MIA2: variants seen among roughly 807,000 people sequenced by gnomAD.
MIA2 encodes the protein MIA SH3 domain ER export factor 2.
In MIA2, 127 loss-of-function variants were observed where a neutral mutation model predicts 167.8. The observed-to-expected ratio is 0.76, with a 90% confidence interval of 0.66 to 0.88. The LOEUF (loss-of-function observed/expected upper bound fraction) is 0.88, where lower values mean the gene tolerates loss of function less well. MIA2 is among the 40% of genes least tolerant of loss of function. The pLI, the probability that MIA2 is intolerant of heterozygous loss-of-function variation, is 0.00. For synonymous variants in MIA2, 552 were observed against 541.9 expected, an observed-to-expected ratio of 1.02 and a Z score of -0.26; for missense variants, 1,690 against 1,624.7, an observed-to-expected ratio of 1.04 and a Z score of -0.69.
intron 23 of MIA2, among the ~76,000 whole-genome samples, chr14:39,363,650 T>G (rs1031073290): frequency 6.6e-5 from 10 of 152,268 alleles, no homozygotes; most frequent in African/African-American, 2.4e-4. Context: ...TGTCTCCCTT[T>G]GGATCTAATA....
chr14:39,265,294 G>A, intron 6 of MIA2: 1 of 928,838 alleles, frequency 1.1e-6, no homozygotes, highest in Non-Finnish European at 1.7e-6. Flanking sequence ...AAACAGAAGA[G>A]TGCAGGATAT....
chr14:39,358,171 C>A lies in MIA2; in HGVS notation c.2248+9194C>A, dbSNP rs112303460. Among the ~76,000 whole-genome samples the A allele has an allele frequency of 2.0e-3, 310 of 152,278 alleles. 2 individuals are homozygous for A. Among genetic ancestry groups the A allele is most frequent in the East Asian group, 0.016 (81 of 5,186 alleles). On this transcript the variant is annotated intron_variant, in intron 23 of 23. Coordinates refer to the MIA2 transcript ENST00000341502. ...GTTTTCCAACTTGGTTCCATTCTCC[C>A]CGTCACTTTCAGGTACACCAATCAG...
At chr14:39,347,616 C>G (rs901322149) in intron 26 of MIA2, 97 bp from the exon 27 acceptor site, 1 of 1,246,696 alleles carries the variant, frequency 8.0e-7, no homozygotes, top group Non-Finnish European at 1.2e-6. Context: ...TATGTGCCAA[C>G]AAGGGGAGTG....
At chr14:39,343,261 C>T (rs2072427415) in intron 25 of MIA2, among the ~76,000 whole-genome samples, 1 of 152,158 alleles carries the variant, frequency 6.6e-6, no homozygotes, top group South Asian at 2.1e-4. Flanking sequence ...TCTTGTGTCT[C>T]AGCCTCCCGA....
Position 39,331,649 on chromosome 14 carries a change from C to T in MIA2, c.3655+4627C>T, listed in dbSNP as rs558957579. ...CTTCAGGAGCCCTTGTAAGGCAGGC[C>T]TGGTGGAGCCAAAATCCCTAAGCAT... is the stretch of plus-strand genomic sequence containing the variant. On this transcript the variant is annotated intron_variant, in intron 25 of 28. Transcript: ENST00000640607. Among the ~76,000 whole-genome samples, 4 of 152,248 alleles carry T rather than the reference C, an allele frequency of 2.6e-5. No individual in the cohort carries two copies. The East Asian group carries it at 7.7e-4, about 29-fold the overall frequency.
intron 23 of MIA2, among the ~76,000 whole-genome samples, chr14:39,381,034 A>C (rs934150357): frequency 4.6e-5 from 7 of 151,886 alleles, no homozygotes; most frequent in East Asian, 1.9e-4. Flanking sequence ...AAAAAAAAAA[A>C]AACAAAGGTA....
rs1335953129 is a variant in MIA2 at position 39,345,902 on chromosome 14, A to G, written c.3656-2A>G. On this transcript the variant is annotated splice_acceptor_variant, in intron 25 of 28. Coordinates refer to ENST00000640607, the MANE Select transcript of MIA2 (RefSeq NM_001329214.4). LOFTEE classifies it high-confidence loss of function. ...AAGACATTTTAAAAACTTATTTTCTAGGACAATCATATCCTGATTCAGCCC... is the reference window on the plus strand; with the variant it reads ...AAGACATTTTAAAAACTTATTTTCTGGGACAATCATATCCTGATTCAGCCC... 6.2e-7 allele frequency: 1 copy of G among 1,601,944 alleles called. No individual in the cohort carries two copies. The highest frequency in any genetic ancestry group is 8.5e-7 in the Non-Finnish European group (1 of 1,176,394).
At chr14:39,335,789 TG>T in intron 25 of MIA2, among the ~76,000 whole-genome samples, 1 of 152,304 alleles carries the variant, frequency 6.6e-6, no homozygotes, top group East Asian at 1.9e-4. Flanking sequence ...TAGTCCCCAG[TG>T]TCTCTTGTTA....
chr14:39,328,472 A>G (rs2068045457), intron 25 of MIA2, among the ~76,000 whole-genome samples: 1 of 152,080 alleles, frequency 6.6e-6, no homozygotes, highest in African/African-American at 2.4e-5. Context: ...CAGTTTAATT[A>G]TATCTCATGT....
chr14:39,248,816 C>T (rs1185423988), intron 4 of MIA2, among the ~76,000 whole-genome samples: 4 of 151,414 alleles, frequency 2.6e-5, no homozygotes, highest in South Asian at 2.1e-4. Flanking sequence ...CTCAGGTCAC[C>T]GCAGCCTCGA....
At chr14:39,339,743 G>A (rs2071355702) in intron 25 of MIA2, among the ~76,000 whole-genome samples, 1 of 152,140 alleles carries the variant, frequency 6.6e-6, no homozygotes. Context: ...GTAGCCACTA[G>A]GCACATGTGG....
At chr14:39,337,113 G>C (rs1446580834) in intron 25 of MIA2, among the ~76,000 whole-genome samples, 2 of 152,062 alleles carry the variant, frequency 1.3e-5, no homozygotes, top group Admixed American at 6.6e-5. Flanking sequence ...ATTATATAGT[G>C]ACATAACCAT....
At chr14:39,251,574 T>C (rs1485427585) in intron 4 of MIA2, among the ~76,000 whole-genome samples, 1 of 152,156 alleles carries the variant, frequency 6.6e-6, no homozygotes, top group Non-Finnish European at 1.5e-5. Context: ...AGTATAATTA[T>C]TGAATAATCC....
At chr14:39,312,474 T>G (rs2064496021) in intron 18 of MIA2, among the ~76,000 whole-genome samples, 1 of 152,236 alleles carries the variant, frequency 6.6e-6, no homozygotes, top group East Asian at 1.9e-4. Flanking sequence ...TTCAGTAGTT[T>G]GTCTTGTTCT....
In MIA2 at chr14:39,247,875, A is replaced by G. The variant is rs772097337; in HGVS notation, c.1301A>G (p.Glu434Gly). The change falls in exon 4 of 29, where the codon GAA becomes GGA. Residue 434 changes from glutamate (E) to glycine (G), a missense_variant. Transcript: ENST00000640607. ...GAAATAGAAACGATAAAAATTATAG[A>G]AACAGAAGATCAAATAGACAAGAAA... Reference protein sequence around the residue: ...EQEIETIKIIETEDQIDKKPV... With the variant: ...EQEIETIKIIGTEDQIDKKPV... 6.3e-7 allele frequency: 1 copy of G among 1,589,756 alleles called. No homozygotes were observed. The highest frequency in any genetic ancestry group is 2.2e-5 in the East Asian group (1 of 44,754).
At chr14:39,267,981 T>G (rs976706310) in intron 6 of MIA2, among the ~76,000 whole-genome samples, 5 of 12,908 alleles carry the variant, frequency 3.9e-4, no homozygotes, top group Non-Finnish European at 4.3e-4. Flanking sequence ...TGATTCTGCA[T>G]TTTTTTTTTT....
rs2054358720 is a variant in MIA2, at chr14:39,247,320, G to A, written c.746G>A (p.Ser249Asn). 1.9e-6 allele frequency: 3 copies of A among 1,614,070 alleles called. No homozygotes were observed. The highest frequency in any genetic ancestry group is 2.5e-6 in the Non-Finnish European group (3 of 1,180,010). ...TCAGTTATTGAACCTGTACAAGAAAGCTCATTTCGGAGTAGAAAAATAGCA... is the reference window on the plus strand; with the variant it reads ...TCAGTTATTGAACCTGTACAAGAAAACTCATTTCGGAGTAGAAAAATAGCA... The part of the protein sequence containing the change: ...FESVIEPVQE[S>N]SFRSRKIAVE... Residue 249 changes from serine to asparagine, a missense_variant, in exon 4 of 29, where the codon AGC (serine) becomes AAC (asparagine). Coordinates refer to ENST00000640607, the MANE Select transcript of MIA2 (RefSeq NM_001329214.4).
intron 23 of MIA2, among the ~76,000 whole-genome samples, chr14:39,356,945 A>T (rs191125125): frequency 2.8e-4 from 43 of 152,276 alleles, no homozygotes; most frequent in Admixed American, 2.6e-3. Flanking sequence ...GTTCTTTTAC[A>T]TTTGCTGAGG....
intron 10 of MIA2, chr14:39,292,660 G>T: frequency 6.4e-6 from 2 of 311,600 alleles, no homozygotes; most frequent in Non-Finnish European, 6.2e-6. Flanking sequence ...GAATCTTTTG[G>T]TTTATTTTTC....
Sources: allele counts gnomAD v4.1 joint callset (sites outside exome capture counted in the v4.1 genomes callset), GRCh38; gene constraint gnomAD v4.1.1; transcripts MANE v1.5; gene names NCBI Gene and HGNC (gene_info 2026-07-23, HGNC 2026-07-21).